POC1B: variants seen among roughly 807,000 people sequenced by gnomAD.
POC1B encodes the protein POC1 centriolar protein homolog B.
Under a neutral mutation model 60.6 loss-of-function variants are expected in POC1B, and 44 were observed. That is an observed-to-expected ratio of 0.73 (90% CI 0.57 to 0.93). The LOEUF (loss-of-function observed/expected upper bound fraction) is 0.93, where lower values mean the gene tolerates loss of function less well. POC1B is among the 40% of genes least tolerant of loss of function. The pLI is 0.00. For synonymous variants in POC1B, 180 were observed against 198.9 expected (o/e 0.90, Z 0.80); for missense variants, 555 against 572.3 (o/e 0.97, Z 0.31).
chr12:89,439,501 G>A lies in POC1B; in HGVS notation c.1114-14122C>T, dbSNP rs112549501. 2.5e-3 allele frequency among the ~76,000 whole-genome samples: 378 copies of A among 152,290 alleles called. 4 individuals are homozygous for A. The highest frequency in any genetic ancestry group is 7.0e-3 in the African/African-American group (291 of 41,558). On this transcript the variant is annotated intron_variant, in intron 10 of 11. Transcript: ENST00000313546. Reference sequence around the variant, plus strand: ...ATGCAGGGTCTGATTTGGTAGGTCTGGGGTGGGACCTGTGAATCTGGATTT... The same window carrying A: ...ATGCAGGGTCTGATTTGGTAGGTCTAGGGTGGGACCTGTGAATCTGGATTT...
At chr12:89,519,210 T>C (rs1407024657) in intron 2 of POC1B, among the ~76,000 whole-genome samples, 2 of 152,186 alleles carry the variant, frequency 1.3e-5, no homozygotes, top group Non-Finnish European at 2.9e-5. Context: ...GAGTAGTTAA[T>C]AAAATAATGG....
At chr12:89,448,964 G>T (rs1052949616) in intron 10 of POC1B, among the ~76,000 whole-genome samples, 4 of 152,168 alleles carry the variant, frequency 2.6e-5, no homozygotes, top group African/African-American at 9.7e-5. Flanking sequence ...CAAACTGGAG[G>T]TCCTCAGTAC....
At chr12:89,502,762 T>C in intron 2 of POC1B, 2 of 1,345,942 alleles carry the variant, frequency 1.5e-6, no homozygotes, top group South Asian at 1.3e-5. Context: ...GAAAGCAGCA[T>C]GTTGGCCAGG....
Position 89,435,290 on chromosome 12 carries a change from CTT to C in POC1B, c.1114-9913_1114-9912del, listed in dbSNP as rs371159209. On this transcript the variant is annotated intron_variant, in intron 10 of 11. Coordinates refer to ENST00000313546, the MANE Select transcript of POC1B (RefSeq NM_172240.3). ...CCGCCTCCTGGGTTCAAGAAATTCT[CTT>C]GTCTCAGCCTCCTGAGTAGCTGGGA... Among the ~76,000 whole-genome samples the C allele has an allele frequency of 1.3e-4, 20 of 150,586 alleles. No individual in the cohort carries two copies. In the East Asian group the frequency reaches 2.6e-3, roughly 19 times the overall value.
chr12:89,473,203 G>A (rs913801754), intron 4 of POC1B, among the ~76,000 whole-genome samples: 20 of 152,170 alleles, frequency 1.3e-4, no homozygotes, highest in African/African-American at 4.8e-4. Context: ...AGATTACTAT[G>A]AGTCATCAAT....
At chr12:89,485,861 CT>C (rs1274630671) in intron 4 of POC1B, among the ~76,000 whole-genome samples, 1 of 152,206 alleles carries the variant, frequency 6.6e-6, no homozygotes, top group African/African-American at 2.4e-5. Flanking sequence ...TGCACAACCC[CT>C]GACCCTTTCC....
intron 4 of POC1B, among the ~76,000 whole-genome samples, chr12:89,479,632 C>T (rs1327411371): frequency 2.6e-5 from 4 of 152,032 alleles, no homozygotes; most frequent in Non-Finnish European, 1.5e-5. Flanking sequence ...TCCTCTTACA[C>T]TAATGGGCAC....
intron 3 of POC1B, 29 bp from the exon 4 acceptor site, chr12:89,492,144 C>A: frequency 6.9e-7 from 1 of 1,454,710 alleles, no homozygotes. Context: ...ATATTTATAA[C>A]TCATTTGATT....
intron 4 of POC1B, among the ~76,000 whole-genome samples, chr12:89,486,517 G>GA (rs1483222312): frequency 6.6e-6 from 1 of 152,200 alleles, no homozygotes; most frequent in Non-Finnish European, 1.5e-5. Flanking sequence ...AAGAAAGACA[G>GA]AAAGTGACAA....
At chr12:89,465,615 G>A (rs914184062) in intron 9 of POC1B, among the ~76,000 whole-genome samples, 2 of 151,774 alleles carry the variant, frequency 1.3e-5, no homozygotes, top group Non-Finnish European at 2.9e-5. Context: ...CAAAAAATGG[G>A]AAAACCAAAT....
At chr12:89,476,825 C>T (rs1822536293) in intron 4 of POC1B, among the ~76,000 whole-genome samples, 1 of 151,992 alleles carries the variant, frequency 6.6e-6, no homozygotes, top group Non-Finnish European at 1.5e-5. Flanking sequence ...TTCTTATCTT[C>T]AGAATACATT....
chr12:89,487,359 C>T (rs1326603934), intron 4 of POC1B, among the ~76,000 whole-genome samples: 3 of 152,190 alleles, frequency 2.0e-5, no homozygotes, highest in Non-Finnish European at 2.9e-5. Flanking sequence ...TGCAGAGTTC[C>T]ACCATCGTTT....
chr12:89,422,861 A>C (rs1298089119), intron 11 of POC1B, among the ~76,000 whole-genome samples: 3 of 152,220 alleles, frequency 2.0e-5, no homozygotes, highest in Non-Finnish European at 2.9e-5. Flanking sequence ...CATCTTTTGA[A>C]TGCAACCAAT....
At chr12:89,440,528 A>G (rs573498234) in intron 10 of POC1B, among the ~76,000 whole-genome samples, 55 of 152,234 alleles carry the variant, frequency 3.6e-4, no homozygotes, top group Non-Finnish European at 6.8e-4. Flanking sequence ...CTTTTTTCCC[A>G]TTAAGAAAAA....
At chr12:89,437,688 G>A (rs919390724) in intron 10 of POC1B, among the ~76,000 whole-genome samples, 2 of 143,638 alleles carry the variant, frequency 1.4e-5, no homozygotes, top group Non-Finnish European at 3.0e-5. Flanking sequence ...TATTGAACTT[G>A]CTCTTTCATT....
chr12:89,523,530 C>T, intron 2 of POC1B: 4 of 1,605,360 alleles, frequency 2.5e-6, no homozygotes, highest in East Asian at 2.2e-5. Flanking sequence ...TAAAAGACAG[C>T]TCAAGGTTTT....
intron 10 of POC1B, among the ~76,000 whole-genome samples, chr12:89,448,372 C>G (rs1026895080): frequency 1.3e-5 from 2 of 152,136 alleles, no homozygotes; most frequent in Non-Finnish European, 2.9e-5. Flanking sequence ...TAAAAATCAC[C>G]CTAACTAAAT....
chr12:89,465,647 A>C (rs1046098673), intron 9 of POC1B, among the ~76,000 whole-genome samples: 1 of 152,172 alleles, frequency 6.6e-6, no homozygotes, highest in African/African-American at 2.4e-5. Flanking sequence ...TTTCTTTTAA[A>C]TAAAAGAAAA....
intron 2 of POC1B, chr12:89,523,430 T>A: frequency 1.2e-6 from 2 of 1,614,060 alleles, no homozygotes; most frequent in Non-Finnish European, 1.7e-6. Context: ...TGTAGGAAAT[T>A]GGGGCGAGCA....
Sources: gnomAD v4.1 joint callset for allele counts (sites outside exome capture counted in the v4.1 genomes callset) on GRCh38, gnomAD v4.1.1 for gene constraint, MANE v1.5 for transcripts, NCBI Gene and HGNC (gene_info 2026-07-23, HGNC 2026-07-21) for gene names.